The following TASP1 variants were observed in gnomAD, a reference collection of about 807,000 sequenced individuals.
TASP1 encodes threonine aspartase 1.
TASP1 carries 16 observed loss-of-function variants against 56.6 expected under a neutral mutation model. That is an observed-to-expected ratio of 0.28 (90% confidence interval 0.19 to 0.43). The LOEUF (loss-of-function observed/expected upper bound fraction) is 0.43. Among genes scored for constraint, TASP1 ranks in the 20% least tolerant of loss-of-function variants. The probability of loss-of-function intolerance (pLI) is 1.00; values close to 1 mark genes in which losing one functional copy is unlikely to be tolerated. For missense variants in TASP1, 393 were observed against 511.6 expected, an observed-to-expected ratio of 0.77 and a Z score of 2.24; for synonymous variants, 179 against 184.2, an observed-to-expected ratio of 0.97 and a Z score of 0.23.
the TASP1 span, among the ~76,000 whole-genome samples, chr20:13,116,695 A>T: frequency 6.6e-6 from 1 of 152,170 alleles, no homozygotes; most frequent in Non-Finnish European, 1.5e-5. Context: ...ATGAAAAATA[A>T]AACAGTTAGG....
Position 13,528,522 on chromosome 20 carries a change from A to C in TASP1, c.796-11T>G. Reference sequence around the variant, plus strand: ...TCCATAAAGAGCAGCCTGGGGAAAAAAGAAAATAGATATAATATTTCAGAA... The same window carrying C: ...TCCATAAAGAGCAGCCTGGGGAAAACAGAAAATAGATATAATATTTCAGAA... On this transcript the variant is annotated splice_polypyrimidine_tract_variant and intron_variant, in intron 9 of 13. Transcript: ENST00000337743. The C allele has an allele frequency of 2.5e-6, 4 of 1,599,678 alleles. No homozygotes were observed. The highest frequency in any genetic ancestry group is 1.3e-5 in the African/African-American group (1 of 74,676).
chr20:13,348,205 A>G, the TASP1 span, among the ~76,000 whole-genome samples: 1 of 152,228 alleles, frequency 6.6e-6, no homozygotes, highest in South Asian at 2.1e-4. Flanking sequence ...TCTATGCCAA[A>G]GTGTTAACAG....
At chr20:13,109,597 A>G in the TASP1 span, among the ~76,000 whole-genome samples, 1 of 152,206 alleles carries the variant, frequency 6.6e-6, no homozygotes, top group Non-Finnish European at 1.5e-5. Flanking sequence ...AATATTTTGA[A>G]AAAGAGGCTT....
chr20:13,259,297 A>C, the TASP1 span, among the ~76,000 whole-genome samples: 4 of 151,848 alleles, frequency 2.6e-5, no homozygotes, highest in South Asian at 2.1e-4. Flanking sequence ...AAAAAAACAA[A>C]AACAAAAGGA....
chr20:13,350,135 A>G, the TASP1 span, among the ~76,000 whole-genome samples: 13 of 152,236 alleles, frequency 8.5e-5, no homozygotes, highest in Admixed American at 3.3e-4. Flanking sequence ...CCTGTCTCAA[A>G]AAAACAAAAC....
the TASP1 span, among the ~76,000 whole-genome samples, chr20:13,190,533 C>T: frequency 6.6e-6 from 1 of 152,008 alleles, no homozygotes; most frequent in Non-Finnish European, 1.5e-5. Flanking sequence ...GTTTCATATA[C>T]ACAAGAATGA....
chr20:13,636,222 T>C (rs1568679893), intron 1 of TASP1, among the ~76,000 whole-genome samples: 1 of 143,278 alleles, frequency 7.0e-6, no homozygotes, highest in Non-Finnish European at 1.5e-5. Context: ...CTGAACTCAC[T>C]GCAATCTCTG....
the TASP1 span, among the ~76,000 whole-genome samples, chr20:13,255,023 C>G: frequency 6.6e-6 from 1 of 152,198 alleles, no homozygotes; most frequent in African/African-American, 2.4e-5. Flanking sequence ...CCTCATGGTT[C>G]TGACATCCTG....
At chr20:13,244,396 A>AG in the TASP1 span, 5 of 152,100 alleles carry the variant, frequency 3.3e-5, no homozygotes, top group South Asian at 1.0e-3. Context: ...GCAAAAAAAA[A>AG]AAAAACCAGC....
At chr20:13,106,125 A>G in the TASP1 span, among the ~76,000 whole-genome samples, 1,653 of 152,342 alleles carry the variant, frequency 0.011, 15 homozygotes, top group Admixed American at 0.014. Context: ...AAAACAAAAG[A>G]TACCATCAAT....
At chr20:13,636,061 T>C (rs1431383421) in intron 1 of TASP1, among the ~76,000 whole-genome samples, 1 of 151,764 alleles carries the variant, frequency 6.6e-6, no homozygotes, top group Non-Finnish European at 1.5e-5. Context: ...ATGGAATTCA[T>C]CCATCTTACA....
the TASP1 span, among the ~76,000 whole-genome samples, chr20:13,366,049 GAAC>G: frequency 6.6e-6 from 1 of 152,162 alleles, no homozygotes; most frequent in African/African-American, 2.4e-5. Flanking sequence ...GGGCAAGCGA[GAAC>G]AACATCAGCT....
intron 4 of TASP1, among the ~76,000 whole-genome samples, chr20:13,590,727 A>T (rs561271631): frequency 6.6e-6 from 1 of 151,976 alleles, no homozygotes; most frequent in Admixed American, 6.6e-5. Context: ...TTAGCTGGGC[A>T]TGGTGGTGCT....
rs2041223819 is a variant in TASP1 at position 13,390,288 on chromosome 20, A to C, written c.*72T>G. ...TAAAACAAGAAAGATAAAACAACCA[A>C]CTTCAGTTAAAAACCCCCAAAAGCT... On this transcript the variant is annotated 3_prime_UTR_variant, in exon 14 of 14. Transcript: ENST00000337743. 7.3e-7 allele frequency: 1 copy of C among 1,367,050 alleles called. No individual in the cohort carries two copies. Among genetic ancestry groups the C allele is most frequent in the African/African-American group, 1.4e-5 (1 of 69,272 alleles). The allele number at this position is 1,367,050 out of a possible 1,614,324, so 84.7% of individuals were successfully genotyped here.
At chr20:13,510,301 G>C (rs1179690637) in intron 10 of TASP1, among the ~76,000 whole-genome samples, 1 of 152,112 alleles carries the variant, frequency 6.6e-6, no homozygotes. Flanking sequence ...AATGATACTT[G>C]AGAGGAAAAC....
intron 13 of TASP1, chr20:13,393,389 T>C (rs1003049892): frequency 2.7e-6 from 2 of 745,668 alleles, no homozygotes; most frequent in Non-Finnish European, 4.9e-6. Context: ...CCATTGCCAA[T>C]GTGTCAGTTA....
chr20:13,456,685 G>A (rs62209017), intron 11 of TASP1, among the ~76,000 whole-genome samples: 4 of 151,848 alleles, frequency 2.6e-5, no homozygotes, highest in Non-Finnish European at 4.4e-5. Flanking sequence ...GTCCCTTCAC[G>A]TGACATCAGT....
intron 12 of TASP1, among the ~76,000 whole-genome samples, chr20:13,418,688 A>G (rs927260835): frequency 6.6e-6 from 1 of 152,236 alleles, no homozygotes; most frequent in South Asian, 2.1e-4. Flanking sequence ...CTGTTTGTTC[A>G]CTGTGGAAAC....
At chr20:13,627,681 T>G (rs2048941476) in intron 2 of TASP1, among the ~76,000 whole-genome samples, 1 of 139,370 alleles carries the variant, frequency 7.2e-6, no homozygotes, top group East Asian at 2.1e-4. Context: ...GCTTGCAGAG[T>G]GAGCCAAGAT....
Sources: allele counts gnomAD v4.1 joint callset (sites outside exome capture counted in the v4.1 genomes callset), GRCh38; gene constraint gnomAD v4.1.1; transcripts MANE v1.5; gene names NCBI Gene and HGNC (gene_info 2026-07-23, HGNC 2026-07-21).